Variants in LSM14A observed in about 807,000 individuals in gnomAD.
LSM14A encodes protein LSM14 homolog A.
In LSM14A, 14 loss-of-function variants were observed where a neutral mutation model predicts 52.4. The observed-to-expected ratio is 0.27, with a 90% CI of 0.18 to 0.42. The LOEUF (loss-of-function observed/expected upper bound fraction) is 0.42, where lower values mean the gene tolerates loss of function less well. Ranked by LOEUF, LSM14A falls within the 10% of genes least tolerant of loss-of-function variation. The probability of loss-of-function intolerance (pLI) is 1.00; values close to 1 mark genes in which losing one functional copy is unlikely to be tolerated. For synonymous variants in LSM14A, 185 were observed against 200.3 expected (o/e 0.92, Z 0.64); for missense variants, 417 against 581.8 (o/e 0.72, Z 2.91).
At chr19:34,202,630 T>C (rs2071384328) in intron 3 of LSM14A, among the ~76,000 whole-genome samples, 1 of 152,084 alleles carries the variant, frequency 6.6e-6, no homozygotes, top group Non-Finnish European at 1.5e-5. Context: ...ATGTGAAGAA[T>C]ATATACTCTC....
intron 4 of LSM14A, among the ~76,000 whole-genome samples, chr19:34,212,292 A>C (rs546017140): frequency 6.6e-6 from 1 of 152,152 alleles, no homozygotes; most frequent in Non-Finnish European, 1.5e-5. Flanking sequence ...GGCCCTGCAC[A>C]CTAGCCTAGG....
intron 3 of LSM14A, among the ~76,000 whole-genome samples, chr19:34,200,026 A>G (rs1022559894): frequency 1.3e-5 from 2 of 152,240 alleles, no homozygotes; most frequent in Non-Finnish European, 2.9e-5. Flanking sequence ...TAGCATTGCC[A>G]TGAACAATTA....
At chr19:34,201,544 T>C (rs1229656312) in intron 3 of LSM14A, among the ~76,000 whole-genome samples, 1 of 152,162 alleles carries the variant, frequency 6.6e-6, no homozygotes, top group African/African-American at 2.4e-5. Flanking sequence ...GGTTTCACCA[T>C]GTTGGTCAGG....
chr19:34,203,662 G>C (rs1302393209), intron 3 of LSM14A, among the ~76,000 whole-genome samples: 1 of 151,940 alleles, frequency 6.6e-6, no homozygotes, highest in South Asian at 2.1e-4. Context: ...AATGAGCCGG[G>C]CTTGGTGGCG....
intron 3 of LSM14A, among the ~76,000 whole-genome samples, chr19:34,197,074 A>G (rs2070895763): frequency 6.6e-6 from 1 of 151,888 alleles, no homozygotes; most frequent in African/African-American, 2.4e-5. Context: ...TATCTACCAA[A>G]TCTTATTGGT....
At chr19:34,205,890 A>G (rs1435267555) in intron 3 of LSM14A, among the ~76,000 whole-genome samples, 2 of 152,160 alleles carry the variant, frequency 1.3e-5, no homozygotes, top group African/African-American at 4.8e-5. Context: ...ATAAGTCCCT[A>G]ACAAAACTGA....
In LSM14A at chr19:34,204,590, A is replaced by G. The variant is rs536793819; in HGVS notation, c.416-4339A>G. Among the ~76,000 whole-genome samples the G allele has an allele frequency of 8.6e-5, 13 of 151,770 alleles. No individual in the cohort carries two copies. In the South Asian group the frequency reaches 2.3e-3, roughly 27 times the overall value. ...TTTAAGTAGCTGGGTGTGGTTGTAC[A>G]TACCTGTAGTCCTAGCACTCAGGAG... On this transcript the variant is annotated intron_variant, in intron 3 of 9. Transcript: ENST00000544216.
At position 34,228,851 on chromosome 19, in the gene LSM14A, A is replaced by T. The variant is rs942064110; in HGVS notation, c.*1463A>T. On this transcript the variant is annotated 3_prime_UTR_variant, in exon 10 of 10. Coordinates refer to ENST00000544216, the MANE Select transcript of LSM14A (RefSeq NM_015578.4). ...GGTTGACATTTTTTATTTTCATTTT[A>T]TATCTTTTGTATAGCTCTACAAGGC... 3.3e-5 allele frequency: 5 copies of T among 152,588 alleles called. No homozygotes were observed. The highest frequency in any genetic ancestry group is 3.3e-4 in the Admixed American group (5 of 15,274). 9.5% of individuals were successfully genotyped at this position (152,588 alleles called of 1,614,324 possible).
intron 8 of LSM14A, chr19:34,221,257 A>C: frequency 2.2e-6 from 1 of 456,686 alleles, no homozygotes; most frequent in South Asian, 3.5e-5. Context: ...TATTTTTTGT[A>C]TTTTTGGTAG....
intron 8 of LSM14A, 33 bp downstream of exon 8, chr19:34,219,910 A>G (rs375854955): frequency 2.1e-6 from 3 of 1,462,098 alleles, no homozygotes; most frequent in Non-Finnish European, 2.9e-6. Context: ...TTATCTTATG[A>G]TATTGATTGA....
At chr19:34,191,849 G>T (rs933845848) in intron 1 of LSM14A, among the ~76,000 whole-genome samples, 1 of 152,166 alleles carries the variant, frequency 6.6e-6, no homozygotes, top group Non-Finnish European at 1.5e-5. Context: ...TTTGTAATTA[G>T]TCCTTTCTCC....
At chr19:34,197,581 G>A (rs1278767735) in intron 3 of LSM14A, among the ~76,000 whole-genome samples, 9 of 151,174 alleles carry the variant, frequency 6.0e-5, no homozygotes, top group Admixed American at 5.3e-4. Flanking sequence ...TGGGATTACA[G>A]GTGTGCGCCA....
At chr19:34,196,859 TTTGA>T in intron 3 of LSM14A, 96 bp downstream of exon 3, 2 of 1,044,776 alleles carry the variant, frequency 1.9e-6, no homozygotes, top group Non-Finnish European at 2.7e-6. Flanking sequence ...AGAAATGTTG[TTTGA>T]TGTTCCTTTT....
intron 3 of LSM14A, among the ~76,000 whole-genome samples, chr19:34,197,624 A>G (rs1046234722): frequency 6.6e-6 from 1 of 150,992 alleles, no homozygotes; most frequent in South Asian, 2.1e-4. Flanking sequence ...TATTTTTAGT[A>G]GAGATGGGGT....
In LSM14A at chr19:34,175,929, C is replaced by G. The variant is rs1056383292; in HGVS notation, c.121+3166C>G. 2.4e-4 allele frequency among the ~76,000 whole-genome samples: 37 copies of G among 152,124 alleles called. 1 individual carries two copies. Among genetic ancestry groups the G allele is most frequent in the African/African-American group, 7.2e-4 (30 of 41,520 alleles). On this transcript the variant is annotated intron_variant, in intron 1 of 9. Transcript: ENST00000544216. ...GGAGTGCAGTGGTGCGATCTTGGCT[C>G]GCTGCAGCCTCCACCTCCCGGGTTC... is the stretch of plus-strand genomic sequence containing the variant.
intron 3 of LSM14A, among the ~76,000 whole-genome samples, chr19:34,197,277 G>A (rs899932002): frequency 6.6e-6 from 1 of 151,946 alleles, no homozygotes; most frequent in East Asian, 1.9e-4. Context: ...TTTCAGTAGA[G>A]GTGGAGTTTC....
intron 9 of LSM14A, 138 bp downstream of exon 9, chr19:34,221,876 T>C: frequency 2.1e-6 from 3 of 1,423,932 alleles, no homozygotes; most frequent in Non-Finnish European, 2.8e-6. Flanking sequence ...CAGTAGAGGA[T>C]ATACGTGATT....
intron 9 of LSM14A, among the ~76,000 whole-genome samples, chr19:34,224,344 A>C (rs1035247827): frequency 1.3e-5 from 2 of 152,184 alleles, no homozygotes; most frequent in Non-Finnish European, 2.9e-5. Context: ...AAAAGGAAAA[A>C]ACAAACCTTC....
intron 4 of LSM14A, among the ~76,000 whole-genome samples, chr19:34,211,255 G>A (rs957515935): frequency 2.0e-4 from 31 of 151,314 alleles, no homozygotes; most frequent in African/African-American, 6.6e-4. Context: ...CCGAGATCAC[G>A]CTACTGCACT....
Sources: allele counts gnomAD v4.1 joint callset (sites outside exome capture counted in the v4.1 genomes callset), GRCh38; gene constraint gnomAD v4.1.1; transcripts MANE v1.5; gene names NCBI Gene and HGNC (gene_info 2026-07-23, HGNC 2026-07-21).